Variants in CTDSPL observed in about 807,000 individuals in gnomAD.
CTDSPL encodes the protein CTD small phosphatase like.
In CTDSPL, 8 loss-of-function variants were observed where a neutral mutation model predicts 30.5. The observed-to-expected ratio is 0.26, with a 90% CI of 0.15 to 0.47. The LOEUF is 0.47. Ranked by LOEUF, CTDSPL falls within the 20% of genes least tolerant of loss-of-function variation. The probability of loss-of-function intolerance (pLI) is 0.99; values close to 1 mark genes in which losing one functional copy is unlikely to be tolerated. For synonymous variants in CTDSPL, 110 were observed against 137.9 expected, an observed-to-expected ratio of 0.80 and a Z score of 1.42; for missense variants, 248 against 366.1, an observed-to-expected ratio of 0.68 and a Z score of 2.63.
At chr3:37,875,294 C>T (rs1489140365) in intron 1 of CTDSPL, among the ~76,000 whole-genome samples, 1 of 152,310 alleles carries the variant, frequency 6.6e-6, no homozygotes, top group Admixed American at 6.5e-5. Flanking sequence ...TAAGTAATAG[C>T]TCATTTTGAT....
intron 5 of CTDSPL, among the ~76,000 whole-genome samples, chr3:37,968,946 AG>A (rs1699331908): frequency 1.3e-5 from 2 of 152,196 alleles, no homozygotes; most frequent in Admixed American, 6.5e-5. Flanking sequence ...CTTATTCTCC[AG>A]GACATCCTGC....
At chr3:37,911,659 G>A (rs1197606528) in intron 1 of CTDSPL, 7 of 456,162 alleles carry the variant, frequency 1.5e-5, no homozygotes, top group African/African-American at 1.2e-4. Context: ...CGTTTTAGTG[G>A]GTTTCCATTT....
At chr3:37,906,810 C>G (rs953189223) in intron 1 of CTDSPL, among the ~76,000 whole-genome samples, 6 of 152,304 alleles carry the variant, frequency 3.9e-5, no homozygotes, top group Admixed American at 6.5e-5. Flanking sequence ...CTCCTTTCTG[C>G]CTTTGTGACT....
intron 1 of CTDSPL, among the ~76,000 whole-genome samples, chr3:37,945,848 CTGAA>C (rs1699030786): frequency 6.6e-6 from 1 of 152,222 alleles, no homozygotes; most frequent in Non-Finnish European, 1.5e-5. Context: ...GAATTTCCAT[CTGAA>C]TGCACTTAGT....
chr3:37,937,282 A>C (rs1201370785), intron 1 of CTDSPL, among the ~76,000 whole-genome samples: 3 of 150,134 alleles, frequency 2.0e-5, no homozygotes. Flanking sequence ...TGCCGTTGCC[A>C]TTGTAGTGGT....
At position 37,983,965 on chromosome 3, in the gene CTDSPL, A is replaced by C; in HGVS notation, c.*3098A>C. 1 of 219,286 alleles carries C rather than the reference A, an allele frequency of 4.6e-6. No homozygotes were observed. The highest frequency in any genetic ancestry group is 6.4e-5 in the South Asian group (1 of 15,588). The allele number at this position is 219,286 out of a possible 1,614,324, so 13.6% of individuals were successfully genotyped here. A position where few individuals can be genotyped will look rare whatever the true frequency, so the allele number is the denominator to read the frequency against. The stretch of plus-strand genomic sequence containing the variant: ...GCAGCATTTGAACTTTTGGTGTTAA[A>C]AAAAAAAACCTGTAAGTCTGTAACC... On this transcript the variant is annotated 3_prime_UTR_variant, in exon 8 of 8. Coordinates refer to ENST00000273179, the MANE Select transcript of CTDSPL (RefSeq NM_001008392.2).
intron 1 of CTDSPL, among the ~76,000 whole-genome samples, chr3:37,934,062 C>A (rs1467489204): frequency 6.6e-6 from 1 of 152,152 alleles, no homozygotes; most frequent in Admixed American, 6.5e-5. Flanking sequence ...GTGCTCAGGT[C>A]TGTTATCCCA....
intron 3 of CTDSPL, 141 bp from the exon 4 acceptor site, chr3:37,964,430 C>G (rs1699277336): frequency 1.8e-6 from 1 of 543,134 alleles, no homozygotes; most frequent in Admixed American, 3.1e-5. Flanking sequence ...ACTTTAGTTG[C>G]AAACTACTTA....
Position 37,862,424 on chromosome 3 carries a change from G to A in CTDSPL, c.79+146G>A. 1.8e-6 allele frequency: 1 copy of A among 561,068 alleles called. No individual in the cohort carries two copies. The highest frequency in any genetic ancestry group is 2.7e-6 in the Non-Finnish European group (1 of 376,354). The allele number at this position is 561,068 out of a possible 1,614,324, so 34.8% of individuals were successfully genotyped here. A position where few individuals can be genotyped will look rare whatever the true frequency, so the allele number is the denominator to read the frequency against. On this transcript the variant is annotated intron_variant, in intron 1 of 7. Coordinates refer to ENST00000273179, the MANE Select transcript of CTDSPL (RefSeq NM_001008392.2). The surrounding 1 kb of genome is among the most constrained non-coding windows in gnomAD (Gnocchi z 4.3). The stretch of plus-strand genomic sequence containing the variant: ...GGGTGTGGGGTGCGCCCGGAGGAGA[G>A]CGAGGCTGCCAGAGTGCGTGTGCCG...
intron 1 of CTDSPL, among the ~76,000 whole-genome samples, chr3:37,877,788 A>G (rs1009592479): frequency 3.9e-5 from 6 of 152,196 alleles, no homozygotes; most frequent in Non-Finnish European, 7.3e-5. Flanking sequence ...TAGTCGTGGC[A>G]GAAGGCAAAG....
intron 7 of CTDSPL, among the ~76,000 whole-genome samples, chr3:37,976,687 A>G (rs1267859627): frequency 6.6e-6 from 1 of 152,050 alleles, no homozygotes; most frequent in East Asian, 1.9e-4. Flanking sequence ...TAAGACTGCC[A>G]AGCTTTGCTA....
At chr3:37,973,295 C>T (rs1165087795) in intron 6 of CTDSPL, among the ~76,000 whole-genome samples, 1 of 152,180 alleles carries the variant, frequency 6.6e-6, no homozygotes, top group African/African-American at 2.4e-5. Context: ...GAAGTAATAA[C>T]CAAAGAAATA....
intron 1 of CTDSPL, among the ~76,000 whole-genome samples, 187 bp from the exon 2 acceptor site, chr3:37,946,870 A>T (rs1011500886): frequency 9.9e-5 from 15 of 152,144 alleles, no homozygotes; most frequent in African/African-American, 3.6e-4. Context: ...GGCTCCTGGG[A>T]TTCTCACATT....
intron 1 of CTDSPL, among the ~76,000 whole-genome samples, chr3:37,877,545 TATACTC>T (rs776107629): frequency 1.3e-5 from 2 of 152,244 alleles, no homozygotes; most frequent in Admixed American, 6.5e-5. Context: ...GATTGTGAAT[TATACTC>T]ATATGAACAC....
intron 1 of CTDSPL, among the ~76,000 whole-genome samples, chr3:37,881,667 C>G (rs576727799): frequency 2.6e-5 from 4 of 151,994 alleles, no homozygotes; most frequent in Non-Finnish European, 5.9e-5. Flanking sequence ...CAAAAAACAC[C>G]AAGTTCCATA....
At chr3:37,870,678 C>T (rs1318990698) in intron 1 of CTDSPL, among the ~76,000 whole-genome samples, 1 of 152,114 alleles carries the variant, frequency 6.6e-6, no homozygotes, top group Non-Finnish European at 1.5e-5. Flanking sequence ...TCTCCCTTTC[C>T]TAATTTATGC....
At chr3:37,911,808 CA>C (rs1325353585) in intron 1 of CTDSPL, 6 of 436,906 alleles carry the variant, frequency 1.4e-5, no homozygotes, top group African/African-American at 1.2e-4. Context: ...CCTATAATCC[CA>C]GCACTTTGGG....
At chr3:37,933,466 A>G (rs1698879559) in intron 1 of CTDSPL, among the ~76,000 whole-genome samples, 1 of 152,234 alleles carries the variant, frequency 6.6e-6, no homozygotes, top group Non-Finnish European at 1.5e-5. Context: ...GGTTAATGGT[A>G]GCATGCTACA....
intron 1 of CTDSPL, among the ~76,000 whole-genome samples, chr3:37,878,923 G>A (rs908191422): frequency 6.6e-6 from 1 of 152,166 alleles, no homozygotes; most frequent in Non-Finnish European, 1.5e-5. Flanking sequence ...TCTTAATAGG[G>A]TGTCTAAGAG....
Sources: allele counts gnomAD v4.1 joint callset (sites outside exome capture counted in the v4.1 genomes callset), GRCh38; gene constraint gnomAD v4.1.1; non-coding constraint Gnocchi (gnomAD v3.1); transcripts MANE v1.5; gene names NCBI Gene and HGNC (gene_info 2026-07-23, HGNC 2026-07-21).